Variants in FBXL13 observed in about 807,000 individuals in gnomAD.
FBXL13 encodes F-box and leucine-rich repeat protein 13.
In FBXL13, 67 loss-of-function variants were observed where a neutral mutation model predicts 83.6. That is an observed-to-expected ratio of 0.80 (90% CI 0.66 to 0.98). The LOEUF (loss-of-function observed/expected upper bound fraction) is 0.98, where lower values mean the gene tolerates loss of function less well. Among genes scored for constraint, FBXL13 ranks in the 50% least tolerant of loss-of-function variants. FBXL13 has a pLI of 0.00. For missense variants in FBXL13, 822 were observed against 866.5 expected (o/e 0.95, Z 0.64); for synonymous variants, 272 against 299.5 (o/e 0.91, Z 0.95).
intron 16 of FBXL13, among the ~76,000 whole-genome samples, chr7:102,864,795 C>T (rs1049028881): frequency 1.3e-5 from 2 of 152,194 alleles, no homozygotes; most frequent in Non-Finnish European, 2.9e-5. Context: ...TTGCCATGTG[C>T]CAGCTTACAT....
In FBXL13 at chr7:102,949,115, C is replaced by A. The variant is rs116116563; in HGVS notation, c.724+14418G>T. On this transcript the variant is annotated intron_variant, in intron 8 of 19. Coordinates refer to ENST00000313221, the Ensembl canonical transcript of FBXL13. ...TCAGCCAAACAGCCCAAAAGAGTAG[C>A]CAATATTTATCTTCAATCTAACAGT... Among the ~76,000 whole-genome samples the A allele has an allele frequency of 3.7e-3, 567 of 152,196 alleles. 5 individuals are homozygous for A. Among genetic ancestry groups the A allele is most frequent in the African/African-American group, 0.013 (560 of 41,510 alleles).
At chr7:102,933,582 G>C (rs1420494309) in intron 8 of FBXL13, 2 of 178,862 alleles carry the variant, frequency 1.1e-5, no homozygotes, top group Admixed American at 5.6e-5. Flanking sequence ...AAGCAGGTAA[G>C]AGAGCCTTGA....
At chr7:102,831,329 C>T (rs1800627708) in intron 18 of FBXL13, among the ~76,000 whole-genome samples, 1 of 151,248 alleles carries the variant, frequency 6.6e-6, no homozygotes, top group Admixed American at 6.6e-5. Context: ...GGGATGGGAT[C>T]TTATGTGCTA....
At chr7:102,919,803 T>C (rs1038524177) in intron 10 of FBXL13, among the ~76,000 whole-genome samples, 1 of 152,224 alleles carries the variant, frequency 6.6e-6, no homozygotes, top group African/African-American at 2.4e-5. Context: ...CTGACTCTCA[T>C]GCATCTTTAC....
chr7:103,059,537 G>A (rs1797655070), intron 1 of FBXL13, among the ~76,000 whole-genome samples: 4 of 152,048 alleles, frequency 2.6e-5, no homozygotes, highest in South Asian at 4.2e-4. Flanking sequence ...CATTAATCAG[G>A]GCCTTATTAT....
intron 6 of FBXL13, among the ~76,000 whole-genome samples, chr7:102,995,219 C>T (rs994637583): frequency 3.9e-5 from 6 of 152,122 alleles, no homozygotes; most frequent in African/African-American, 9.7e-5. Context: ...CGGTGGCCCA[C>T]GCCTGTAATC....
In FBXL13 at chr7:102,910,090, G is replaced by C. The variant is rs1814404675; in HGVS notation, c.1008+2996C>G. 2.0e-5 allele frequency among the ~76,000 whole-genome samples: 3 copies of C among 152,174 alleles called. 1 individual carries two copies. The South Asian group carries it at 6.2e-4, about 31-fold the overall frequency. ...GACTGCTGGGACTGGCAATTCCCCT[G>C]TGTCTAGGCCTGGGTTAAATGCTCC... On this transcript the variant is annotated intron_variant, in intron 11 of 19. Transcript: ENST00000313221.
intron 8 of FBXL13, among the ~76,000 whole-genome samples, chr7:102,947,057 C>T (rs1822648949): frequency 6.6e-6 from 1 of 152,142 alleles, no homozygotes; most frequent in African/African-American, 2.4e-5. Flanking sequence ...CCATGCAAAT[C>T]CCTACATTGT....
chr7:103,063,804 C>T (rs1275613487), intron 1 of FBXL13, among the ~76,000 whole-genome samples: 1 of 151,300 alleles, frequency 6.6e-6, no homozygotes, highest in Non-Finnish European at 1.5e-5. Flanking sequence ...ATCCTCCTGC[C>T]TCACACTGCC....
intron 5 of FBXL13, 90 bp downstream of exon 6, chr7:103,027,359 G>T: frequency 1.3e-6 from 1 of 774,096 alleles, no homozygotes; most frequent in Middle Eastern, 2.4e-4. Flanking sequence ...CAGGATTTTA[G>T]TATTTTCCAC....
intron 17 of FBXL13, among the ~76,000 whole-genome samples, chr7:102,845,315 T>G (rs537034223): frequency 6.6e-6 from 1 of 152,164 alleles, no homozygotes; most frequent in Non-Finnish European, 1.5e-5. Context: ...TCAGGAACCA[T>G]GGTCAAAGAC....
chr7:102,905,879 A>G (rs1813670372), intron 11 of FBXL13, among the ~76,000 whole-genome samples: 2 of 152,208 alleles, frequency 1.3e-5, no homozygotes, highest in African/African-American at 4.8e-5. Context: ...GCATAAACAA[A>G]CAAATAAACA....
At chr7:102,926,400 C>T in intron 9 of FBXL13, 26 bp from the exon 11 acceptor site, 1 of 1,571,224 alleles carries the variant, frequency 6.4e-7, no homozygotes, top group Non-Finnish European at 8.7e-7. Flanking sequence ...AGGGAAGAGG[C>T]TTATCAAATT....
At chr7:103,008,838 G>A (rs1195748230) in intron 6 of FBXL13, among the ~76,000 whole-genome samples, 3 of 152,156 alleles carry the variant, frequency 2.0e-5, no homozygotes, top group Admixed American at 6.5e-5. Flanking sequence ...GATTACAGGC[G>A]TGAGCCACCG....
intron 11 of FBXL13, among the ~76,000 whole-genome samples, chr7:102,888,986 A>G (rs747194948): frequency 2.0e-5 from 3 of 152,214 alleles, no homozygotes; most frequent in Non-Finnish European, 4.4e-5. Context: ...GAAATTCTTG[A>G]GAAAATAAAA....
At chr7:102,851,727 C>A (rs944075085) in intron 17 of FBXL13, among the ~76,000 whole-genome samples, 12 of 151,964 alleles carry the variant, frequency 7.9e-5, no homozygotes, top group African/African-American at 2.9e-4. Flanking sequence ...TTGTTCAATA[C>A]ATGTATGACA....
intron 6 of FBXL13, among the ~76,000 whole-genome samples, chr7:103,014,747 C>A (rs1792054225): frequency 6.6e-6 from 1 of 151,618 alleles, no homozygotes. Context: ...CACAGTGAAA[C>A]CCCGTCTCTA....
intron 19 of FBXL13, among the ~76,000 whole-genome samples, chr7:102,816,988 T>C (rs1438446202): frequency 6.6e-6 from 1 of 152,232 alleles, no homozygotes; most frequent in Non-Finnish European, 1.5e-5. Context: ...TGTACCACAT[T>C]TTCTTTATCC....
intron 2 of FBXL13, among the ~76,000 whole-genome samples, chr7:103,043,320 AAC>A (rs1369075946): frequency 1.3e-5 from 2 of 152,352 alleles, no homozygotes; most frequent in East Asian, 3.9e-4. Context: ...GTCAGGAAAC[AAC>A]AGATGCTGGA....
Sources: gnomAD v4.1 joint callset for allele counts (sites outside exome capture counted in the v4.1 genomes callset) on GRCh38, gnomAD v4.1.1 for gene constraint, MANE v1.5 for transcripts, NCBI Gene and HGNC (gene_info 2026-07-23, HGNC 2026-07-21) for gene names.